Variants in UBA6 observed in about 807,000 individuals in gnomAD.
The protein encoded by UBA6 is ubiquitin like modifier activating enzyme 6, also known as ubiquitin-like modifier-activating enzyme 6.
In UBA6, 87 loss-of-function variants were observed where a neutral mutation model predicts 148.3. That is an observed-to-expected ratio of 0.59 (90% CI 0.49 to 0.70). The LOEUF is 0.70. UBA6 is among the 30% of genes least tolerant of loss of function. The probability of loss-of-function intolerance (pLI) is 0.00; values close to 1 mark genes in which losing one functional copy is unlikely to be tolerated. For synonymous variants in UBA6, 376 were observed against 401.0 expected, an observed-to-expected ratio of 0.94 and a Z score of 0.75; for missense variants, 1,186 against 1,241.2, an observed-to-expected ratio of 0.96 and a Z score of 0.67.
intron 7 of UBA6, among the ~76,000 whole-genome samples, chr4:67,672,333 A>C (rs934869641): frequency 6.6e-6 from 1 of 152,218 alleles, no homozygotes; most frequent in African/African-American, 2.4e-5. Flanking sequence ...CACATCATAT[A>C]GACTCTGGAA....
intron 23 of UBA6, 92 bp from the exon 24 acceptor site, chr4:67,632,000 A>G: frequency 8.5e-7 from 1 of 1,179,170 alleles, no homozygotes. Context: ...TGTAGTAAAT[A>G]TATGCACATG....
intron 14 of UBA6, among the ~76,000 whole-genome samples, chr4:67,647,300 T>C (rs1729441603): frequency 6.6e-6 from 1 of 152,110 alleles, no homozygotes; most frequent in Non-Finnish European, 1.5e-5. Context: ...CGTGCCACCA[T>C]GCCTGGCTAA....
chr4:67,700,846 T>C (rs1354021103), intron 1 of UBA6, among the ~76,000 whole-genome samples: 1 of 152,124 alleles, frequency 6.6e-6, no homozygotes. Context: ...AAGGGGACTT[T>C]TCCCTCAGGA....
In UBA6 at chr4:67,669,085, A is replaced by G. The variant is rs1291710783; in HGVS notation, c.670-411T>C. Among the ~76,000 whole-genome samples, 2 of 152,322 alleles carry G rather than the reference A, an allele frequency of 1.3e-5. 1 individual carries two copies. Among genetic ancestry groups the G allele is most frequent in the South Asian group, 4.1e-4 (2 of 4,830 alleles). ...AGTAAAGAAGGAGGATAGAAATTTT[A>G]AAGATGGGAATCTGGTAGCTTACAG... is the stretch of plus-strand genomic sequence containing the variant. On this transcript the variant is annotated intron_variant, in intron 8 of 32. Transcript: ENST00000322244.
chr4:67,624,073 A>T, intron 30 of UBA6, 53 bp downstream of exon 30: 1 of 1,418,666 alleles, frequency 7.0e-7, no homozygotes, highest in Non-Finnish European at 9.4e-7. Flanking sequence ...TTTAAAAGGT[A>T]AAATATTTTA....
chr4:67,681,493 A>G, intron 4 of UBA6, 70 bp downstream of exon 4: 1 of 1,013,914 alleles, frequency 9.9e-7, no homozygotes, highest in Non-Finnish European at 1.5e-6. Flanking sequence ...AGTATAAACA[A>G]TATTACCATA....
At chr4:67,662,806 C>T (rs1170568540) in intron 12 of UBA6, 1 of 191,360 alleles carries the variant, frequency 5.2e-6, no homozygotes, top group Non-Finnish European at 1.1e-5. Flanking sequence ...CCTTCTCCAA[C>T]AGTACTCTGA....
chr4:67,632,282 G>A (rs1400519355), intron 23 of UBA6, among the ~76,000 whole-genome samples: 1 of 135,438 alleles, frequency 7.4e-6, no homozygotes, highest in Admixed American at 7.5e-5. Context: ...AAAACACACA[G>A]TACTTTGTAT....
At chr4:67,649,242 T>A (rs1226928936) in intron 13 of UBA6, 31 bp from the exon 14 acceptor site, 4 of 1,588,618 alleles carry the variant, frequency 2.5e-6, no homozygotes, top group African/African-American at 1.4e-5. Flanking sequence ...GACAATAACA[T>A]TAACAGCATT....
At chr4:67,689,635 C>A (rs1240357736) in intron 2 of UBA6, among the ~76,000 whole-genome samples, 5 of 152,054 alleles carry the variant, frequency 3.3e-5, no homozygotes, top group African/African-American at 4.8e-5. Context: ...AATGTGGTAC[C>A]TGGCCAGTAA....
At chr4:67,623,380 C>A (rs1331676402) in intron 30 of UBA6, among the ~76,000 whole-genome samples, 158 bp from the exon 31 acceptor site, 1 of 152,078 alleles carries the variant, frequency 6.6e-6, no homozygotes, top group Admixed American at 6.6e-5. Context: ...CTAAAATATT[C>A]CATAATCTTA....
At chr4:67,621,231 C>G (rs1318044411) in intron 32 of UBA6, among the ~76,000 whole-genome samples, 1 of 152,142 alleles carries the variant, frequency 6.6e-6, no homozygotes, top group African/African-American at 2.4e-5. Flanking sequence ...AATGCCTTAG[C>G]TAATAAAATA....
intron 7 of UBA6, among the ~76,000 whole-genome samples, chr4:67,672,432 C>A (rs1194505243): frequency 6.6e-6 from 1 of 152,092 alleles, no homozygotes; most frequent in African/African-American, 2.4e-5. Flanking sequence ...GTGTGCAGAA[C>A]CACTGAAAGG....
In UBA6 at chr4:67,618,672, A is replaced by G. The variant is rs545153140; in HGVS notation, c.*325T>C. On this transcript the variant is annotated 3_prime_UTR_variant, in exon 33 of 33. Transcript: ENST00000322244. ...TTCGTTGCTTTCAATTTCTTCATCC[A>G]TATCTGTTCTGGTCATACATATTTT... is the stretch of plus-strand genomic sequence containing the variant. The G allele has an allele frequency of 1.6e-5, 3 of 189,894 alleles. No individual in the cohort carries two copies. Among genetic ancestry groups the G allele is most frequent in the Non-Finnish European group, 3.2e-5 (3 of 93,116 alleles). 11.8% of individuals were successfully genotyped at this position (189,894 alleles called of 1,614,324 possible).
In UBA6 at chr4:67,616,484, G is replaced by A. The variant is rs1400471631; in HGVS notation, c.*2513C>T. 1 of 199,156 alleles carries A rather than the reference G, an allele frequency of 5.0e-6. No individual in the cohort carries two copies. Among genetic ancestry groups the A allele is most frequent in the Non-Finnish European group, 1.0e-5 (1 of 99,312 alleles). 12.3% of individuals were successfully genotyped at this position (199,156 alleles called of 1,614,324 possible). A position where few individuals can be genotyped will look rare whatever the true frequency, so the allele number is the denominator to read the frequency against. On this transcript the variant is annotated 3_prime_UTR_variant, in exon 33 of 33. Transcript: ENST00000322244. ...ATGTCCTACCTTTGGGACAATTTAT[G>A]AGGAACTTATGGACAAGTAACAGAA...
intron 32 of UBA6, among the ~76,000 whole-genome samples, chr4:67,622,617 A>G (rs1728776176): frequency 6.6e-6 from 1 of 152,238 alleles, no homozygotes; most frequent in South Asian, 2.1e-4. Flanking sequence ...TGTACTGGCC[A>G]AATCAGGTTT....
chr4:67,678,672 T>C (rs1224930899), intron 4 of UBA6, 139 bp from the exon 5 acceptor site: 1 of 443,292 alleles, frequency 2.3e-6, no homozygotes, highest in East Asian at 3.5e-5. Context: ...AGAATTAAAA[T>C]ATGTAAAGAT....
chr4:67,668,721 C>T (rs1560494596), intron 8 of UBA6, 47 bp from the exon 9 acceptor site: 2 of 1,528,030 alleles, frequency 1.3e-6, no homozygotes, highest in Admixed American at 4.0e-5. Flanking sequence ...TTTTTGTATT[C>T]TTTGTGTACA....
rs746841586 is a variant in UBA6, at chr4:67,634,422, C to G, written c.1932+7G>C. The G allele has an allele frequency of 6.4e-7, 1 of 1,572,272 alleles. No individual in the cohort carries two copies. The highest frequency in any genetic ancestry group is 8.6e-7 in the Non-Finnish European group (1 of 1,167,834). On this transcript the variant is annotated splice_region_variant and intron_variant, in intron 21 of 32. Transcript: ENST00000322244. ...CAAAGAAAATAAATTTAAAAAGGAACTTTTACCTTATCTCTTGCCCACTGT... is the reference window on the plus strand; with the variant it reads ...CAAAGAAAATAAATTTAAAAAGGAAGTTTTACCTTATCTCTTGCCCACTGT...
Sources: gnomAD v4.1 joint callset for allele counts (sites outside exome capture counted in the v4.1 genomes callset) on GRCh38, gnomAD v4.1.1 for gene constraint, MANE v1.5 for transcripts, NCBI Gene and HGNC (gene_info 2026-07-23, HGNC 2026-07-21) for gene names.